The following EEF2K variants were observed in gnomAD, a reference collection of about 807,000 sequenced individuals.
The protein encoded by EEF2K is alternative protein EEF2K.
In EEF2K, 70 loss-of-function variants were observed where a neutral mutation model predicts 93.8. The observed-to-expected ratio is 0.75, with a 90% CI of 0.62 to 0.91. The LOEUF is 0.91. Ranked by LOEUF, EEF2K falls within the 40% of genes least tolerant of loss-of-function variation. The pLI is 0.00. For synonymous variants in EEF2K, 376 were observed against 380.8 expected (o/e 0.99, Z 0.15); for missense variants, 935 against 972.9 (o/e 0.96, Z 0.52).
chr16:22,273,591 A>C (rs1400669436), intron 15 of EEF2K, 35 bp from the exon 16 acceptor site: 18 of 1,610,644 alleles, frequency 1.1e-5, no homozygotes, highest in Non-Finnish European at 1.5e-5. Flanking sequence ...AGCCTCATTC[A>C]CTCTTCTTTC....
At chr16:22,217,104 T>G (rs1257920713) in intron 1 of EEF2K, among the ~76,000 whole-genome samples, 1 of 139,630 alleles carries the variant, frequency 7.2e-6, no homozygotes, top group East Asian at 2.0e-4. Flanking sequence ...GAGGTTGCAG[T>G]GAGCCAAGAT....
Position 22,278,575 on chromosome 16 carries a change from C to T in EEF2K, c.1890-1623C>T, listed in dbSNP as rs117739776. ...AACAGGAGACCGTCCTGGAGGGCAG[C>T]GCCTGTCAGACAGGGCCGCAGAGGG... On this transcript the variant is annotated intron_variant, in intron 16 of 17. Transcript: ENST00000263026. Among the ~76,000 whole-genome samples the T allele has an allele frequency of 1.9e-3, 296 of 152,184 alleles. 3 individuals are homozygous for T. The East Asian group carries it at 0.023, about 12-fold the overall frequency.
chr16:22,259,347 A>G (rs562659137), intron 10 of EEF2K, among the ~76,000 whole-genome samples: 1 of 152,246 alleles, frequency 6.6e-6, no homozygotes, highest in Admixed American at 6.5e-5. Flanking sequence ...GCAAGATTTT[A>G]TTGTTTAGTT....
intron 14 of EEF2K, 70 bp downstream of exon 14, chr16:22,266,594 C>T (rs772146937): frequency 1.5e-4 from 242 of 1,597,458 alleles, no homozygotes; most frequent in Admixed American, 1.9e-4. Flanking sequence ...GCCTCTCCTC[C>T]GCTAATCACT....
chr16:22,275,322 ATTTTTT>A (rs1171864677), intron 16 of EEF2K, among the ~76,000 whole-genome samples: 2 of 150,600 alleles, frequency 1.3e-5, no homozygotes, highest in Non-Finnish European at 3.0e-5. Context: ...TTTTATTTTT[ATTTTTT>A]AATTATTATT....
intron 2 of EEF2K, among the ~76,000 whole-genome samples, chr16:22,240,272 A>T (rs2047209188): frequency 4.6e-5 from 7 of 152,218 alleles, no homozygotes; most frequent in Admixed American, 4.6e-4. Context: ...AAAGTTATAC[A>T]GTAGATTATT....
intron 1 of EEF2K, among the ~76,000 whole-genome samples, chr16:22,212,748 CT>C (rs2046927066): frequency 6.6e-6 from 1 of 152,110 alleles, no homozygotes; most frequent in Admixed American, 6.5e-5. Context: ...AATTCCAACA[CT>C]TTGGGAGGCT....
rs1359163621 is a variant in EEF2K at position 22,223,227 on chromosome 16, TCA to T, written c.-76-2426_-76-2425del. 2.6e-5 allele frequency among the ~76,000 whole-genome samples: 4 copies of T among 151,678 alleles called. No homozygotes were observed. The East Asian group carries it at 5.8e-4, about 22-fold the overall frequency. On this transcript the variant is annotated intron_variant, in intron 1 of 17. Coordinates refer to ENST00000263026, the MANE Select transcript of EEF2K (RefSeq NM_013302.5). ...TGGAATTGCTGGATCATACGGTAAC[TCA>T]GTGTTTAACTTTTTGAGATGTTGTT...
chr16:22,279,448 A>T (rs1567291873), intron 16 of EEF2K, among the ~76,000 whole-genome samples: 1 of 145,482 alleles, frequency 6.9e-6, no homozygotes, highest in Non-Finnish European at 1.6e-5. Flanking sequence ...GTACATAGTA[A>T]GTGTGTATAT....
chr16:22,236,971 G>T (rs2047174435), intron 2 of EEF2K, among the ~76,000 whole-genome samples: 1 of 99,492 alleles, frequency 1.0e-5, no homozygotes, highest in East Asian at 3.6e-4. Context: ...TTGAGACAGA[G>T]TCTTGCTCTG....
chr16:22,240,258 CAAAA>C (rs1417900828), intron 2 of EEF2K, among the ~76,000 whole-genome samples: 1 of 152,012 alleles, frequency 6.6e-6, no homozygotes, highest in Non-Finnish European at 1.5e-5. Flanking sequence ...AAGTCAATAA[CAAAA>C]AAGTTATACA....
At chr16:22,283,524 A>T (rs2047718806) in intron 17 of EEF2K, among the ~76,000 whole-genome samples, 1 of 152,030 alleles carries the variant, frequency 6.6e-6, no homozygotes, top group Non-Finnish European at 1.5e-5. Context: ...AAAAGTTCTC[A>T]CCCTGATTCT....
chr16:22,226,882 A>C (rs1186221658), intron 2 of EEF2K, among the ~76,000 whole-genome samples: 4 of 152,234 alleles, frequency 2.6e-5, no homozygotes, highest in Non-Finnish European at 4.4e-5. Context: ...CAGCCTGGGC[A>C]ACATAGTGAG....
chr16:22,250,733 C>A (rs375930269), intron 5 of EEF2K, 42 bp downstream of exon 5: 1 of 1,613,054 alleles, frequency 6.2e-7, no homozygotes, highest in South Asian at 1.1e-5. Context: ...GCCCAGAGTC[C>A]CCCCAGGCTC....
At chr16:22,275,710 G>T (rs1005977298) in intron 16 of EEF2K, among the ~76,000 whole-genome samples, 1 of 130,384 alleles carries the variant, frequency 7.7e-6, no homozygotes, top group African/African-American at 2.9e-5. Flanking sequence ...GCGCGATCTC[G>T]GCTCACTGCA....
chr16:22,209,846 G>A (rs749790715), intron 1 of EEF2K, among the ~76,000 whole-genome samples: 3 of 152,192 alleles, frequency 2.0e-5, no homozygotes, highest in Non-Finnish European at 4.4e-5. Flanking sequence ...AGGCTGCGGT[G>A]CAGTGGCACA....
intron 11 of EEF2K, among the ~76,000 whole-genome samples, chr16:22,262,272 G>C (rs1214486802): frequency 6.6e-6 from 1 of 152,176 alleles, no homozygotes; most frequent in Non-Finnish European, 1.5e-5. Context: ...AACACTTTGG[G>C]AGTCCAAGGC....
rs752905138 is a variant in EEF2K, at chr16:22,258,534, G to T, written c.1070G>T (p.Cys357Phe). 2 of 1,613,940 alleles carry T rather than the reference G, an allele frequency of 1.2e-6. No individual in the cohort carries two copies. Among genetic ancestry groups the T allele is most frequent in the Admixed American group, 1.7e-5 (1 of 59,986 alleles). ...ATCTTGAGAGGAACAGAGGAAAAAT[G>T]TGGGAGCCCCCAAGTAAGGACCCTC... Reference protein sequence around the residue: ...KTILRGTEEKCGSPQVRTLSG... With the variant: ...KTILRGTEEKFGSPQVRTLSG... The change falls in exon 10 of 18, where the codon TGT (cysteine) becomes TTT (phenylalanine). Residue 357 changes from cysteine to phenylalanine, a missense_variant. Coordinates refer to ENST00000263026, the MANE Select transcript of EEF2K (RefSeq NM_013302.5).
At chr16:22,215,916 C>T (rs2046953927) in intron 1 of EEF2K, among the ~76,000 whole-genome samples, 1 of 152,186 alleles carries the variant, frequency 6.6e-6, no homozygotes, top group Admixed American at 6.5e-5. Context: ...CAGAGGGAGA[C>T]TCCATCTCAA....
Sources: gnomAD v4.1 joint callset for allele counts (sites outside exome capture counted in the v4.1 genomes callset) on GRCh38, gnomAD v4.1.1 for gene constraint, MANE v1.5 for transcripts, NCBI Gene and HGNC (gene_info 2026-07-23, HGNC 2026-07-21) for gene names.